Variants in CYP27B1 observed in about 807,000 individuals in gnomAD.
CYP27B1 encodes cytochrome P450 family 27 subfamily B member 1, also known as 25-hydroxyvitamin D-1 alpha hydroxylase, mitochondrial.
CYP27B1 carries 46 observed loss-of-function variants against 54.8 expected under a neutral mutation model. That is an observed-to-expected ratio of 0.84 (90% CI 0.66 to 1.07). The LOEUF (loss-of-function observed/expected upper bound fraction) is 1.07, where lower values mean the gene tolerates loss of function less well. Ranked by LOEUF, CYP27B1 falls within the 50% of genes least tolerant of loss-of-function variation. CYP27B1 has a pLI of 0.00. For missense variants in CYP27B1, 674 were observed against 692.2 expected, an observed-to-expected ratio of 0.97 and a Z score of 0.30; for synonymous variants, 292 against 297.3, an observed-to-expected ratio of 0.98 and a Z score of 0.18.
chr12:57,762,926 G>T lies in CYP27B1; in HGVS notation c.*216C>A. ...ATACATGATCAGAAGGGCCAAGCAA[G>T]CAGAGAGACCATGGTTTTCTCACCT... On this transcript the variant is annotated 3_prime_UTR_variant, in exon 9 of 9. Transcript: ENST00000228606. 1 of 561,678 alleles carries T rather than the reference G, an allele frequency of 1.8e-6. No individual in the cohort carries two copies. Among genetic ancestry groups the T allele is most frequent in the Non-Finnish European group, 3.3e-6 (1 of 303,998 alleles). The allele number at this position is 561,678 out of a possible 1,614,324, so 34.8% of individuals were successfully genotyped here. A position where few individuals can be genotyped will look rare whatever the true frequency, so the allele number is the denominator to read the frequency against.
chr12:57,766,000 G>A lies in CYP27B1; in HGVS notation c.386+7C>T. On this transcript the variant is annotated splice_region_variant and intron_variant, in intron 2 of 8. Coordinates refer to ENST00000228606, the MANE Select transcript of CYP27B1 (RefSeq NM_000785.4). The surrounding 1 kb of genome is among the most constrained non-coding windows in gnomAD (Gnocchi z 5.8). ...CGTCTGGGCTTCTGGGGGCAGAGAAGACTCACGCAGTGAGCAGTCCGCAAG... is the reference window on the plus strand; with the variant it reads ...CGTCTGGGCTTCTGGGGGCAGAGAAAACTCACGCAGTGAGCAGTCCGCAAG... 6.4e-7 allele frequency: 1 copy of A among 1,556,872 alleles called. No homozygotes were observed. Among genetic ancestry groups the A allele is most frequent in the Non-Finnish European group, 8.7e-7 (1 of 1,155,686 alleles).
rs760965198 is a variant in CYP27B1, at chr12:57,765,471, T to A, written c.415A>T (p.Ser139Cys). The A allele has an allele frequency of 6.2e-7, 1 of 1,612,218 alleles. No individual in the cohort carries two copies. The highest frequency in any genetic ancestry group is 8.5e-7 in the Non-Finnish European group (1 of 1,179,412). The part of the protein sequence containing the change: ...AEGEEWQRLR[S>C]LLAPLLLRPQ... Reference sequence around the variant, plus strand: ...CGGAGGAGGAGCGGGGCCAGGAGACTGCGGAGCCTTTGCCATTCTTCGCCT... The same window carrying A: ...CGGAGGAGGAGCGGGGCCAGGAGACAGCGGAGCCTTTGCCATTCTTCGCCT... The change falls in exon 3 of 9, where the codon AGT becomes TGT. Residue 139 changes from serine to cysteine, a missense_variant. By Grantham distance (112) the Ser-to-Cys change is moderately radical. Transcript: ENST00000228606. This position sits in a 1 kb window ranked among gnomAD's most constrained non-coding sequence, Gnocchi z 5.8.
At chr12:57,763,471 T>C in intron 8 of CYP27B1, 140 bp downstream of exon 8, 4 of 925,790 alleles carry the variant, frequency 4.3e-6, no homozygotes, top group Non-Finnish European at 7.2e-6. Flanking sequence ...TCCAGGCCTA[T>C]AATGGGCTTA....
Position 57,765,561 on chromosome 12 carries a change from C to A in CYP27B1, c.387-62G>T. The A allele has an allele frequency of 6.6e-7, 1 of 1,526,490 alleles. No homozygotes were observed. Among genetic ancestry groups the A allele is most frequent in the East Asian group, 2.3e-5 (1 of 42,970 alleles). 94.6% of individuals were successfully genotyped at this position (1,526,490 alleles called of 1,614,324 possible). ...GGGGACGGCTCGACGGGACTGGCTG[C>A]AGTGAAGGAGCGCGTTCGGCTGCGG... is the stretch of plus-strand genomic sequence containing the variant. On this transcript the variant is annotated intron_variant, in intron 2 of 8. Coordinates refer to ENST00000228606, the MANE Select transcript of CYP27B1 (RefSeq NM_000785.4). The surrounding 1 kb of genome is among the most constrained non-coding windows in gnomAD (Gnocchi z 5.8).
intron 8 of CYP27B1, 50 bp downstream of exon 8, chr12:57,763,561 G>C (rs1294893085): frequency 6.6e-7 from 1 of 1,506,226 alleles, no homozygotes; most frequent in South Asian, 1.1e-5. Flanking sequence ...CAACTTTAGA[G>C]GGTTAGGGTC....
chr12:57,764,054 A>G (rs900920275), intron 7 of CYP27B1, 44 bp downstream of exon 7: 2 of 1,492,332 alleles, frequency 1.3e-6, no homozygotes, highest in African/African-American at 2.8e-5. Flanking sequence ...GGCCCAAGAT[A>G]GTGAGGAATG....
Position 57,765,639 on chromosome 12 carries a change from G to T in CYP27B1, c.387-140C>A. 1 of 982,030 alleles carries T rather than the reference G, an allele frequency of 1.0e-6. No homozygotes were observed. 60.8% of individuals were successfully genotyped at this position (982,030 alleles called of 1,614,324 possible). On this transcript the variant is annotated intron_variant, in intron 2 of 8. Coordinates refer to ENST00000228606, the MANE Select transcript of CYP27B1 (RefSeq NM_000785.4). This position sits in a 1 kb window ranked among gnomAD's most constrained non-coding sequence, Gnocchi z 5.8. ...CCTTGGGGTACGGAAACCTGCACCG[G>T]CCTGCGCCTGTCTTCCAGCCCCCTT... is the stretch of plus-strand genomic sequence containing the variant.
chr12:57,764,803 T>C lies in CYP27B1; in HGVS notation c.914A>G (p.Gln305Arg), dbSNP rs567237244. 1.2e-6 allele frequency: 2 copies of C among 1,614,024 alleles called. No homozygotes were observed. Among genetic ancestry groups the C allele is most frequent in the Admixed American group, 1.7e-5 (1 of 60,004 alleles). The stretch of plus-strand genomic sequence containing the variant: ...CTCTGTCACATTTCCCAGGATGGAC[T>C]GGGCAGGCAACTCTTCCCGGAACAG... Reference protein sequence around the residue: ...HFLFREELPAQSILGNVTELL... With the variant: ...HFLFREELPARSILGNVTELL... Residue 305 changes from glutamine to arginine, a missense_variant, in exon 5 of 9, where the codon CAG (glutamine) becomes CGG (arginine). Transcript: ENST00000228606.
Position 57,765,605 on chromosome 12 carries a change from C to T in CYP27B1, c.387-106G>A, listed in dbSNP as rs773724344. The T allele has an allele frequency of 1.7e-6, 2 of 1,199,882 alleles. No homozygotes were observed. Among genetic ancestry groups the T allele is most frequent in the Non-Finnish European group, 1.2e-6 (1 of 826,266 alleles). 74.3% of individuals were successfully genotyped at this position (1,199,882 alleles called of 1,614,324 possible). On this transcript the variant is annotated intron_variant, in intron 2 of 8. Coordinates refer to ENST00000228606, the MANE Select transcript of CYP27B1 (RefSeq NM_000785.4). The surrounding 1 kb of genome is among the most constrained non-coding windows in gnomAD (Gnocchi z 5.8). ...GCTGCGGTGGCCAGGAGAGGGATTG[C>T]GTCTGCCCCCTTGGGGTACGGAAAC...
In CYP27B1 at chr12:57,764,530, C is replaced by A; in HGVS notation, c.984G>T (p.Trp328Cys). The A allele has an allele frequency of 6.2e-7, 1 of 1,614,008 alleles. No individual in the cohort carries two copies. Among genetic ancestry groups the A allele is most frequent in the Non-Finnish European group, 8.5e-7 (1 of 1,180,026 alleles). The stretch of plus-strand genomic sequence containing the variant: ...GGTGCCGGGAGAGCTCATACAGAGC[C>A]CAAGAGAGCGTGTTGGACACCTGAA... ...GVDTVSNTLS[W>C]ALYELSRHPE... Residue 328 changes from tryptophan (W) to cysteine (C), a missense_variant, in exon 6 of 9, where the codon TGG becomes TGT. Trp to Cys is a radical substitution (Grantham distance 215, BLOSUM62 -2). Transcript: ENST00000228606.
chr12:57,766,139 G>T lies in CYP27B1; in HGVS notation c.254C>A (p.Thr85Asn). ...GAGTGCAGGGGCAGCCACGTACACG[G>T]TGCGCACTGTCCCAAAGCTGGCTAG... ...VWLASFGTVRTVYVAAPALVE... is the reference protein window; with the variant it reads ...VWLASFGTVRNVYVAAPALVE... Residue 85 changes from threonine (T) to asparagine (N), a missense_variant, in exon 2 of 9, where the codon ACC (threonine) becomes AAC (asparagine). Thr to Asn is a moderately conservative substitution (Grantham distance 65). Coordinates refer to ENST00000228606, the MANE Select transcript of CYP27B1 (RefSeq NM_000785.4). The T allele has an allele frequency of 6.5e-7, 1 of 1,546,680 alleles. No homozygotes were observed. The highest frequency in any genetic ancestry group is 1.2e-5 in the South Asian group (1 of 84,312).
rs1209247211 is a variant in CYP27B1, at chr12:57,767,062, CGAAA to C, written c.-25_-22del. 2.5e-6 allele frequency: 4 copies of C among 1,611,044 alleles called. No individual in the cohort carries two copies. ...GTCATGGTCTGGTTCAGGGTGCTCG[CGAAA>C]GAAAGCGCTTCTCCTGAGCATCATA... On this transcript the variant is annotated 5_prime_UTR_variant, in exon 1 of 9. Transcript: ENST00000228606.
In CYP27B1 at chr12:57,765,518, A is replaced by G; in HGVS notation, c.387-19T>C. On this transcript the variant is annotated intron_variant, in intron 2 of 8. Transcript: ENST00000228606. The surrounding 1 kb of genome is among the most constrained non-coding windows in gnomAD (Gnocchi z 5.8). ...GCCTTCCCTGCAGGGTTGAGGAGAGAGTGCGCATCGGGAAGGTGGGGACGG... is the reference window on the plus strand; with the variant it reads ...GCCTTCCCTGCAGGGTTGAGGAGAGGGTGCGCATCGGGAAGGTGGGGACGG... 6.3e-7 allele frequency: 1 copy of G among 1,599,054 alleles called. No individual in the cohort carries two copies. Among genetic ancestry groups the G allele is most frequent in the South Asian group, 1.1e-5 (1 of 88,446 alleles).
Position 57,765,164 on chromosome 12 carries a change from G to A in CYP27B1, c.637C>T (p.Gln213Ter). 6.2e-7 allele frequency: 1 copy of A among 1,613,672 alleles called. No individual in the cohort carries two copies. The highest frequency in any genetic ancestry group is 1.1e-5 in the South Asian group (1 of 91,082). The change falls in exon 4 of 9, where the codon CAA becomes TAA. Residue 213 changes from glutamine to a stop codon, truncating the protein, a stop_gained. Coordinates refer to ENST00000228606, the MANE Select transcript of CYP27B1 (RefSeq NM_000785.4). LOFTEE classifies it high-confidence loss of function. This position sits in a 1 kb window ranked among gnomAD's most constrained non-coding sequence, Gnocchi z 5.8. ...LGSRLGCLEA[Q>*]VPPDTETFIR... ...AAGGTCTCCGTGTCGGGTGGCACTT[G>A]AGCCTCCAGGCAGCCCAAGCGCGAG...
In CYP27B1 at chr12:57,766,113, C is replaced by T; in HGVS notation, c.280G>A (p.Val94Ile). The change falls in exon 2 of 9, where the codon GTC becomes ATC. Residue 94 changes from valine to isoleucine, a missense_variant. By Grantham distance (29) the Val-to-Ile change is conservative. Transcript: ENST00000228606. ...CCCTCCTGTCGCAGCAGCTCCTCGA[C>T]GAGTGCAGGGGCAGCCACGTACACG... ...RTVYVAAPALVEELLRQEGPR... is the reference protein window; with the variant it reads ...RTVYVAAPALIEELLRQEGPR... The T allele has an allele frequency of 6.5e-7, 1 of 1,546,266 alleles. No individual in the cohort carries two copies. The highest frequency in any genetic ancestry group is 8.7e-7 in the Non-Finnish European group (1 of 1,149,460).
intron 1 of CYP27B1, chr12:57,766,628 A>G (rs1357402942): frequency 3.3e-6 from 2 of 615,290 alleles, no homozygotes; most frequent in Non-Finnish European, 5.7e-6. Context: ...ACCTCAGGAC[A>G]GCGAGAAGGC....
At position 57,764,457 on chromosome 12, in the gene CYP27B1, G is replaced by C. The variant is rs151335249; in HGVS notation, c.1057C>G (p.Pro353Ala). Residue 353 changes from proline (P) to alanine (A), a missense_variant, in exon 6 of 9, where the codon CCT becomes GCT. Pro to Ala is a conservative substitution (Grantham distance 27). Coordinates refer to ENST00000228606, the MANE Select transcript of CYP27B1 (RefSeq NM_000785.4). ...LHSEITAALSPGSSAYPSATV... is the reference protein window; with the variant it reads ...LHSEITAALSAGSSAYPSATV... ...GCTGAGGGGTAGGCACTGGAGCCAG[G>C]GCTCAGGGCAGCTGTGATCTCTGAG... is the stretch of plus-strand genomic sequence containing the variant. The C allele has an allele frequency of 4.8e-4, 767 of 1,614,102 alleles. 1 individual carries two copies. Among genetic ancestry groups the C allele is most frequent in the Non-Finnish European group, 5.3e-4 (630 of 1,180,050 alleles).
At position 57,765,703 on chromosome 12, in the gene CYP27B1, C is replaced by T; in HGVS notation, c.387-204G>A. ...TTCCTGCCCTCAGGGGCCGGGGTTCCCGGGTAACTTGAGTCACAGAACCTT... is the reference window on the plus strand; with the variant it reads ...TTCCTGCCCTCAGGGGCCGGGGTTCTCGGGTAACTTGAGTCACAGAACCTT... On this transcript the variant is annotated intron_variant, in intron 2 of 8. Coordinates refer to ENST00000228606, the MANE Select transcript of CYP27B1 (RefSeq NM_000785.4). This position sits in a 1 kb window ranked among gnomAD's most constrained non-coding sequence, Gnocchi z 5.8. The T allele has an allele frequency of 1.2e-6, 1 of 839,136 alleles. No homozygotes were observed. The highest frequency in any genetic ancestry group is 2.0e-6 in the Non-Finnish European group (1 of 511,622). 52.0% of individuals were successfully genotyped at this position (839,136 alleles called of 1,614,324 possible). A position where few individuals can be genotyped will look rare whatever the true frequency, so the allele number is the denominator to read the frequency against.
At chr12:57,766,620 C>T (rs530682562) in intron 1 of CYP27B1, 9 of 610,734 alleles carry the variant, frequency 1.5e-5, no homozygotes, top group Admixed American at 1.5e-4. Context: ...ATCTCCACAC[C>T]TCAGGACAGC....
Sources: gnomAD v4.1 joint callset for allele counts on GRCh38, gnomAD v4.1.1 for gene constraint, Gnocchi (gnomAD v3.1) non-coding constraint, MANE v1.5 for transcripts, NCBI Gene and HGNC (gene_info 2026-07-23, HGNC 2026-07-21) for gene names.